MAP3K5: variants seen among roughly 807,000 people sequenced by gnomAD.
MAP3K5 encodes ASK-1.
MAP3K5 carries 56 observed loss-of-function variants against 158.7 expected under a neutral mutation model. That is an observed-to-expected ratio of 0.35 (90% confidence interval 0.28 to 0.44). The LOEUF (loss-of-function observed/expected upper bound fraction) is 0.44. Among genes scored for constraint, MAP3K5 ranks in the 20% least tolerant of loss-of-function variants. The probability of loss-of-function intolerance (pLI) is 1.00; values close to 1 mark genes in which losing one functional copy is unlikely to be tolerated. For missense variants in MAP3K5, 1,294 were observed against 1,674.8 expected (o/e 0.77, Z 3.97); for synonymous variants, 579 against 601.7 (o/e 0.96, Z 0.55).
chr6:136,641,649 G>GT (rs35443052), intron 12 of MAP3K5, among the ~76,000 whole-genome samples: 109 of 146,958 alleles, frequency 7.4e-4, no homozygotes, highest in Non-Finnish European at 8.1e-4. Context: ...CTTACAGAAG[G>GT]TTTTTTTTTT....
intron 7 of MAP3K5, among the ~76,000 whole-genome samples, chr6:136,684,636 T>A (rs776164209): frequency 2.0e-5 from 3 of 152,144 alleles, no homozygotes; most frequent in Non-Finnish European, 4.4e-5. Flanking sequence ...TCACAAATTC[T>A]CACCCCTTGA....
At chr6:136,614,414 G>T in intron 15 of MAP3K5, 128 bp from the exon 16 acceptor site, 2 of 982,264 alleles carry the variant, frequency 2.0e-6, no homozygotes, top group Non-Finnish European at 3.0e-6. Context: ...ACCACTTAAG[G>T]CCTTTATTTC....
chr6:136,711,049 C>T (rs1781285363), intron 2 of MAP3K5, among the ~76,000 whole-genome samples: 1 of 152,120 alleles, frequency 6.6e-6, no homozygotes, highest in Non-Finnish European at 1.5e-5. Flanking sequence ...ACAAGCTGAG[C>T]AGACTCAGGG....
At chr6:136,707,808 T>C (rs932278133) in intron 2 of MAP3K5, among the ~76,000 whole-genome samples, 3 of 152,150 alleles carry the variant, frequency 2.0e-5, no homozygotes, top group Non-Finnish European at 4.4e-5. Context: ...ACAACATAAA[T>C]GGCCATAATC....
intron 21 of MAP3K5, among the ~76,000 whole-genome samples, chr6:136,596,531 G>T (rs1468032964): frequency 6.6e-6 from 1 of 152,204 alleles, no homozygotes; most frequent in African/African-American, 2.4e-5. Context: ...GAGGCCATTT[G>T]TAGATCAGGG....
intron 1 of MAP3K5, among the ~76,000 whole-genome samples, chr6:136,773,613 C>T (rs921713526): frequency 1.3e-5 from 2 of 152,042 alleles, no homozygotes; most frequent in East Asian, 3.9e-4. Context: ...TGATGCCTTC[C>T]TTTGCCCATT....
intron 10 of MAP3K5, among the ~76,000 whole-genome samples, chr6:136,654,634 C>T (rs1390517779): frequency 1.3e-5 from 2 of 151,998 alleles, no homozygotes; most frequent in East Asian, 1.9e-4. Flanking sequence ...TTAGTAGAGA[C>T]AGGGTTTCTC....
chr6:136,669,677 T>G (rs1390438595), intron 7 of MAP3K5, among the ~76,000 whole-genome samples: 1 of 152,172 alleles, frequency 6.6e-6, no homozygotes, highest in African/African-American at 2.4e-5. Flanking sequence ...TATGTGAATG[T>G]GAAAATTTAG....
At position 136,782,643 on chromosome 6, in the gene MAP3K5, T is replaced by A. The variant is rs182717386; in HGVS notation, c.448+9067A>T. 4.4e-3 allele frequency among the ~76,000 whole-genome samples: 673 copies of A among 152,346 alleles called. 4 individuals are homozygous for A. Among genetic ancestry groups the A allele is most frequent in the African/African-American group, 0.016 (653 of 41,582 alleles). ...AACTACTGTAACAGAAAAGGTCTGC[T>A]TATAGTGGAATGTTTTCTGTTACCC... On this transcript the variant is annotated intron_variant, in intron 1 of 29. Coordinates refer to ENST00000359015, the MANE Select transcript of MAP3K5 (RefSeq NM_005923.4).
At chr6:136,736,308 C>T (rs1562658070) in intron 1 of MAP3K5, among the ~76,000 whole-genome samples, 1 of 152,194 alleles carries the variant, frequency 6.6e-6, no homozygotes, top group Non-Finnish European at 1.5e-5. Context: ...CTCTGTTAAG[C>T]TCACTTTCGA....
chr6:136,759,482 A>ATATATATATATAT (rs1420942856), intron 1 of MAP3K5, among the ~76,000 whole-genome samples: 189 of 141,854 alleles, frequency 1.3e-3, no homozygotes, highest in East Asian at 2.5e-3. Context: ...ATATATATAT[A>ATATATATATATAT]AAGTTTGAGA....
chr6:136,753,807 T>C (rs1329377683), intron 1 of MAP3K5, among the ~76,000 whole-genome samples: 1 of 152,206 alleles, frequency 6.6e-6, no homozygotes, highest in Non-Finnish European at 1.5e-5. Context: ...GCAAAGAGGA[T>C]GCACTTGAGG....
intron 1 of MAP3K5, among the ~76,000 whole-genome samples, chr6:136,780,658 G>T (rs562664909): frequency 8.9e-4 from 135 of 152,200 alleles, no homozygotes; most frequent in Middle Eastern, 6.8e-3. Flanking sequence ...TGCCCAGAAT[G>T]ATTTATTTTT....
At chr6:136,725,201 T>G (rs944284994) in intron 1 of MAP3K5, among the ~76,000 whole-genome samples, 8 of 152,218 alleles carry the variant, frequency 5.3e-5, no homozygotes, top group African/African-American at 1.9e-4. Flanking sequence ...ATGCTTTCAT[T>G]TGTCTTGAGT....
chr6:136,697,459 A>G, intron 4 of MAP3K5, 72 bp from the exon 5 acceptor site: 2 of 1,277,134 alleles, frequency 1.6e-6, no homozygotes, highest in Non-Finnish European at 1.1e-6. Flanking sequence ...TAATTTTAAT[A>G]AAGACATGAA....
At chr6:136,661,028 C>T (rs1056089746) in intron 8 of MAP3K5, among the ~76,000 whole-genome samples, 8 of 151,282 alleles carry the variant, frequency 5.3e-5, no homozygotes, top group Non-Finnish European at 1.2e-4. Context: ...GTTTTTTGAA[C>T]TGGACATTCC....
At chr6:136,722,248 T>A (rs1352148951) in intron 1 of MAP3K5, among the ~76,000 whole-genome samples, 3 of 152,178 alleles carry the variant, frequency 2.0e-5, no homozygotes, top group Non-Finnish European at 4.4e-5. Flanking sequence ...CCTTTGCAAT[T>A]GCAATAAACA....
chr6:136,639,824 G>T (rs74462601), intron 12 of MAP3K5, among the ~76,000 whole-genome samples, 186 bp from the exon 13 acceptor site: 1 of 152,132 alleles, frequency 6.6e-6, no homozygotes, highest in African/African-American at 2.4e-5. Context: ...TTACTCTTCC[G>T]AGAGGTGTCC....
chr6:136,686,988 A>G (rs1346090027), intron 7 of MAP3K5, among the ~76,000 whole-genome samples: 1 of 152,228 alleles, frequency 6.6e-6, no homozygotes, highest in African/African-American at 2.4e-5. Context: ...CAAAAAGAAC[A>G]AAGCTGGAGG....
Sources: allele counts gnomAD v4.1 joint callset (sites outside exome capture counted in the v4.1 genomes callset), GRCh38; gene constraint gnomAD v4.1.1; transcripts MANE v1.5; gene names NCBI Gene and HGNC (gene_info 2026-07-23, HGNC 2026-07-21).